ARIH1: variants seen among roughly 807,000 people sequenced by gnomAD.
ARIH1 encodes the protein E3 ubiquitin-protein ligase ARIH1.
ARIH1 carries 8 observed loss-of-function variants against 85.0 expected under a neutral mutation model. The ratio of observed to expected loss-of-function variants is 0.09; its 90% confidence interval spans 0.06 to 0.17. The LOEUF is 0.17. Ranked by LOEUF, ARIH1 falls within the 10% of genes least tolerant of loss-of-function variation. ARIH1 has a pLI of 1.00. For missense variants in ARIH1, 311 were observed against 718.1 expected (o/e 0.43, Z 6.48); for synonymous variants, 238 against 253.6 (o/e 0.94, Z 0.59).
At chr15:72,503,879 G>A (rs545952344) in intron 1 of ARIH1, among the ~76,000 whole-genome samples, 8 of 152,250 alleles carry the variant, frequency 5.3e-5, no homozygotes, top group Middle Eastern at 3.4e-3. Context: ...CCCTGCGATG[G>A]CACCCAGGTT....
chr15:72,531,069 A>G (rs1333045005), intron 2 of ARIH1, among the ~76,000 whole-genome samples: 1 of 152,216 alleles, frequency 6.6e-6, no homozygotes, highest in East Asian at 1.9e-4. Flanking sequence ...ATCCTAAGAT[A>G]CACAGTTTTT....
chr15:72,554,238 T>G (rs4777514), intron 3 of ARIH1, among the ~76,000 whole-genome samples: 117,429 of 152,134 alleles, frequency 0.77, 51,583 homozygotes, highest in Non-Finnish European at 0.96. Flanking sequence ...ATACCCAGGA[T>G]TAGAATTGCT....
Position 72,593,656 on chromosome 15 carries a change from G to A in ARIH1, c.*10364G>A, listed in dbSNP as rs1296863571. 1 of 152,126 alleles carries A rather than the reference G, an allele frequency of 6.6e-6. No individual in the cohort carries two copies. The allele number at this position is 152,126 out of a possible 1,614,324, so 9.4% of individuals were successfully genotyped here. ...TGTGTATTTCTACATTTTCTGTTCTGTTCCATTAATCTATTTGTGTATCCT... is the reference window on the plus strand; with the variant it reads ...TGTGTATTTCTACATTTTCTGTTCTATTCCATTAATCTATTTGTGTATCCT... On this transcript the variant is annotated 3_prime_UTR_variant, in exon 14 of 14. Coordinates refer to ENST00000379887, the MANE Select transcript of ARIH1 (RefSeq NM_005744.5).
intron 1 of ARIH1, among the ~76,000 whole-genome samples, chr15:72,494,331 T>A (rs1286083547): frequency 6.6e-6 from 1 of 152,208 alleles, no homozygotes; most frequent in Non-Finnish European, 1.5e-5. Context: ...TATTTAATGC[T>A]CTTCTCTGGG....
intron 3 of ARIH1, among the ~76,000 whole-genome samples, chr15:72,554,259 G>GT (rs1404735333): frequency 2.0e-5 from 3 of 152,120 alleles, no homozygotes; most frequent in African/African-American, 4.8e-5. Context: ...GGGTCCTATG[G>GT]TAACTCTATG....
intron 3 of ARIH1, among the ~76,000 whole-genome samples, chr15:72,553,781 G>C (rs1168276369): frequency 6.6e-6 from 1 of 152,198 alleles, no homozygotes; most frequent in African/African-American, 2.4e-5. Context: ...GCTGGGCGTG[G>C]TGGTGCGTTT....
intron 1 of ARIH1, among the ~76,000 whole-genome samples, chr15:72,478,407 G>A (rs527860704): frequency 1.3e-5 from 2 of 152,158 alleles, no homozygotes; most frequent in Admixed American, 6.5e-5. Context: ...TTGAGCCACC[G>A]CGCCCAGCCT....
intron 1 of ARIH1, among the ~76,000 whole-genome samples, chr15:72,508,433 G>C (rs992613106): frequency 1.8e-4 from 28 of 152,154 alleles, no homozygotes; most frequent in African/African-American, 6.8e-4. Flanking sequence ...TCCTTGTAGG[G>C]AGTGGTGCTA....
At chr15:72,550,741 G>T (rs1260498215) in intron 3 of ARIH1, among the ~76,000 whole-genome samples, 1 of 151,630 alleles carries the variant, frequency 6.6e-6, no homozygotes. Flanking sequence ...GTGTGATCTC[G>T]GCTTACTGCA....
intron 1 of ARIH1, among the ~76,000 whole-genome samples, chr15:72,493,504 G>A (rs934722180): frequency 3.3e-5 from 5 of 152,132 alleles, no homozygotes; most frequent in African/African-American, 1.2e-4. Flanking sequence ...ATACTGAAGG[G>A]TTGGTGGGTT....
chr15:72,500,164 T>A (rs1031641886), intron 1 of ARIH1, among the ~76,000 whole-genome samples: 2 of 151,730 alleles, frequency 1.3e-5, no homozygotes, highest in Non-Finnish European at 2.9e-5. Flanking sequence ...CACAATCTCG[T>A]CTCACTGCAA....
rs905621336 is a variant in ARIH1, at chr15:72,602,638, G to A, written c.*19346G>A. On this transcript the variant is annotated 3_prime_UTR_variant, in exon 14 of 14. Coordinates refer to ENST00000379887, the MANE Select transcript of ARIH1 (RefSeq NM_005744.5). ...CTTACTGAAAATTGGAAGTCTTAAG[G>A]TGTAGTCTATTTTATGCAGTGTGAG... The A allele has an allele frequency of 1.3e-5, 2 of 152,144 alleles. No homozygotes were observed. The highest frequency in any genetic ancestry group is 4.8e-5 in the African/African-American group (2 of 41,436). 9.4% of individuals were successfully genotyped at this position (152,144 alleles called of 1,614,324 possible). A position where few individuals can be genotyped will look rare whatever the true frequency, so the allele number is the denominator to read the frequency against.
rs548493903 is a variant in ARIH1, at chr15:72,504,137, C to T, written c.376-13930C>T. 3.9e-5 allele frequency among the ~76,000 whole-genome samples: 6 copies of T among 152,326 alleles called. No homozygotes were observed. In the South Asian group the frequency reaches 1.2e-3, roughly 32 times the overall value. ...TGGCACGATCTTGGCTCACTGCAAC[C>T]TCTGCCTCCTGGGTTCAAGCGATTC... On this transcript the variant is annotated intron_variant, in intron 1 of 13. Coordinates refer to ENST00000379887, the MANE Select transcript of ARIH1 (RefSeq NM_005744.5).
At chr15:72,534,956 A>ATTCTTTTTTTTTTTTTTTT in intron 2 of ARIH1, among the ~76,000 whole-genome samples, 2 of 45,254 alleles carry the variant, frequency 4.4e-5, no homozygotes, top group South Asian at 4.9e-3. Context: ...TATTGTCTGT[A>ATTCTTTTTTTTTTTTTTTT]TTCTTTTTTT....
intron 1 of ARIH1, among the ~76,000 whole-genome samples, chr15:72,505,231 A>C (rs1313970367): frequency 2.0e-5 from 3 of 152,230 alleles, no homozygotes; most frequent in African/African-American, 7.2e-5. Context: ...AATTTTGTGA[A>C]CCACACTTTA....
At chr15:72,569,074 C>T (rs754836925) in intron 9 of ARIH1, among the ~76,000 whole-genome samples, 5 of 152,028 alleles carry the variant, frequency 3.3e-5, no homozygotes, top group Non-Finnish European at 7.4e-5. Context: ...TTTGGGAGGC[C>T]GAGGTAGGCA....
chr15:72,582,241 T>A lies in ARIH1; in HGVS notation c.1589+54T>A. ...ACTTTCTGCCAGTGATGATCCTTAC[T>A]GGTAAAGTTCAGTGATAGTGAAACT... is the stretch of plus-strand genomic sequence containing the variant. On this transcript the variant is annotated intron_variant, in intron 13 of 13. Coordinates refer to ENST00000379887, the MANE Select transcript of ARIH1 (RefSeq NM_005744.5). This position sits in a 1 kb window ranked among gnomAD's most constrained non-coding sequence, Gnocchi z 4.6. 3 of 1,268,946 alleles carry A rather than the reference T, an allele frequency of 2.4e-6. No homozygotes were observed. The highest frequency in any genetic ancestry group is 3.4e-6 in the Non-Finnish European group (3 of 882,256). The allele number at this position is 1,268,946 out of a possible 1,614,324, so 78.6% of individuals were successfully genotyped here.
At chr15:72,505,633 T>C (rs1016960472) in intron 1 of ARIH1, among the ~76,000 whole-genome samples, 2 of 152,204 alleles carry the variant, frequency 1.3e-5, no homozygotes, top group Non-Finnish European at 2.9e-5. Flanking sequence ...GCATTTTAAA[T>C]TTTGATCACT....
At chr15:72,571,919 TC>T (rs956306730) in intron 10 of ARIH1, among the ~76,000 whole-genome samples, 188 bp from the exon 11 acceptor site, 1 of 152,192 alleles carries the variant, frequency 6.6e-6, no homozygotes, top group African/African-American at 2.4e-5. Flanking sequence ...TTAGAACAGT[TC>T]CTTTCAGCCT....
Sources: allele counts gnomAD v4.1 joint callset (sites outside exome capture counted in the v4.1 genomes callset), GRCh38; gene constraint gnomAD v4.1.1; non-coding constraint Gnocchi (gnomAD v3.1); transcripts MANE v1.5; gene names NCBI Gene and HGNC (gene_info 2026-07-23, HGNC 2026-07-21).